The following TESK1 variants were observed in gnomAD, a reference collection of about 807,000 sequenced individuals.
TESK1 encodes testis associated actin remodelling kinase 1.
TESK1 carries 18 observed loss-of-function variants against 59.9 expected under a neutral mutation model. The observed-to-expected ratio is 0.30, with a 90% CI of 0.21 to 0.45. TESK1 has a LOEUF of 0.45. Ranked by LOEUF, TESK1 falls within the 20% of genes least tolerant of loss-of-function variation. TESK1 has a pLI of 1.00. For synonymous variants in TESK1, 341 were observed against 357.4 expected (o/e 0.95, Z 0.52); for missense variants, 748 against 840.9 (o/e 0.89, Z 1.37).
Position 35,608,407 on chromosome 9 carries a change from A to T in TESK1, c.898A>T (p.Thr300Ser). The change falls in exon 9 of 10, where the codon ACC becomes TCC. Residue 300 changes from threonine to serine, a missense_variant. Transcript: ENST00000336395. ...AIHCCNLEPS[T>S]RAPFTEITQH... is the part of the protein sequence containing the mutation. ...CTCTACCCATCAGCTGGAACCCAGC[A>T]CCCGTGCCCCCTTCACCGAAATTAC... 1 of 1,613,674 alleles carries T rather than the reference A, an allele frequency of 6.2e-7. No homozygotes were observed. The highest frequency in any genetic ancestry group is 1.1e-5 in the South Asian group (1 of 91,060).
At position 35,609,325 on chromosome 9, in the gene TESK1, G is replaced by A. The variant is rs761256468; in HGVS notation, c.1464G>A (p.Leu488=). 40 of 1,613,874 alleles carry A rather than the reference G, an allele frequency of 2.5e-5. No individual in the cohort carries two copies. Among genetic ancestry groups the A allele is most frequent in the African/African-American group, 2.1e-4 (16 of 75,064 alleles). Residue 488 remains leucine (L), a synonymous_variant, in exon 10 of 10, where the codon CTG becomes CTA. Coordinates refer to ENST00000336395, the MANE Select transcript of TESK1 (RefSeq NM_006285.3). This position sits in a 1 kb window ranked among gnomAD's most constrained non-coding sequence, Gnocchi z 6.7. The part of the protein sequence containing the change: ...EPPGPAPQLP[L]AVATDNFIST... ...CAGGGCCAGCGCCCCAGCTGCCTCT[G>A]GCTGTGGCCACAGACAACTTCATCA...
At chr9:35,608,609 A>G in intron 9 of TESK1, 100 bp downstream of exon 9, 1 of 1,192,808 alleles carries the variant, frequency 8.4e-7, no homozygotes, top group Non-Finnish European at 1.2e-6. Context: ...TTATTAGTTG[A>G]AAAGGCTGGG....
In TESK1 at chr9:35,607,713, C is replaced by A; in HGVS notation, c.711+41C>A. Reference sequence around the variant, plus strand: ...TTCAGATCCCCAAGGCCTTCCGAGACCCTTGAGGTATTCTCATAAAGCCCC... The same window carrying A: ...TTCAGATCCCCAAGGCCTTCCGAGAACCTTGAGGTATTCTCATAAAGCCCC... On this transcript the variant is annotated intron_variant, in intron 6 of 9. Transcript: ENST00000336395. The surrounding 1 kb of genome is among the most constrained non-coding windows in gnomAD (Gnocchi z 4.5). 6.5e-7 allele frequency: 1 copy of A among 1,537,380 alleles called. No homozygotes were observed. The highest frequency in any genetic ancestry group is 9.0e-7 in the Non-Finnish European group (1 of 1,112,720).
Position 35,605,358 on chromosome 9 carries a change from T to TGCCGCCACCGTC in TESK1, c.-261_-250dup, listed in dbSNP as rs1379880745. ...CCAGCCCGCCGGCGCCCCGGAGCGCTGCCGCCACCGTCACCGCCACCGCCC... is the reference window on the plus strand; with the variant it reads ...CCAGCCCGCCGGCGCCCCGGAGCGCTGCCGCCACCGTCGCCGCCACCGTCACCGCCACCGCCC... On this transcript the variant is annotated 5_prime_UTR_variant, in exon 1 of 10. Coordinates refer to ENST00000336395, the MANE Select transcript of TESK1 (RefSeq NM_006285.3). 6.7e-6 allele frequency: 1 copy of TGCCGCCACCGTC among 149,134 alleles called. No individual in the cohort carries two copies. The highest frequency in any genetic ancestry group is 2.4e-5 in the African/African-American group (1 of 40,968). 9.2% of individuals were successfully genotyped at this position (149,134 alleles called of 1,614,324 possible).
chr9:35,608,017 T>C lies in TESK1; in HGVS notation c.795+6T>C, dbSNP rs1468310431. 1.2e-6 allele frequency: 2 copies of C among 1,614,026 alleles called. No homozygotes were observed. Among genetic ancestry groups the C allele is most frequent in the Non-Finnish European group, 8.5e-7 (1 of 1,179,912 alleles). The stretch of plus-strand genomic sequence containing the variant: ...ACTACCTACCACGCACTGAGGTGAA[T>C]GTTTCTAGGTTTGCAAAGAAAGAAT... On this transcript the variant is annotated splice_donor_region_variant and intron_variant, in intron 7 of 9. Transcript: ENST00000336395.
Position 35,609,949 on chromosome 9 carries a change from A to G in TESK1, c.*207A>G, listed in dbSNP as rs900181046. 34 of 557,020 alleles carry G rather than the reference A, an allele frequency of 6.1e-5. No homozygotes were observed. The highest frequency in any genetic ancestry group is 4.5e-4 in the South Asian group (17 of 37,758). 34.5% of individuals were successfully genotyped at this position (557,020 alleles called of 1,614,324 possible). A position where few individuals can be genotyped will look rare whatever the true frequency, so the allele number is the denominator to read the frequency against. On this transcript the variant is annotated 3_prime_UTR_variant, in exon 10 of 10. Coordinates refer to ENST00000336395, the MANE Select transcript of TESK1 (RefSeq NM_006285.3). This position sits in a 1 kb window ranked among gnomAD's most constrained non-coding sequence, Gnocchi z 6.7. ...CCGTGGGGATCACTGAACCAGACAC[A>G]GCATTGCTGACACATGAGACTAACA...
Position 35,609,711 on chromosome 9 carries a change from C to A in TESK1, c.1850C>A (p.Pro617His). Residue 617 changes from proline (P) to histidine (H), a missense_variant, in exon 10 of 10, where the codon CCC becomes CAC. Coordinates refer to ENST00000336395, the MANE Select transcript of TESK1 (RefSeq NM_006285.3). The surrounding 1 kb of genome is among the most constrained non-coding windows in gnomAD (Gnocchi z 6.7). ...HRGHHAKPPT[P>H]SLQLPGARS ...GGGCACCACGCCAAGCCACCCACAC[C>A]CAGCCTGCAGCTGCCTGGGGCACGC... The A allele has an allele frequency of 6.3e-6, 10 of 1,599,384 alleles. No homozygotes were observed. Among genetic ancestry groups the A allele is most frequent in the Non-Finnish European group, 8.5e-6 (10 of 1,179,192 alleles).
In TESK1 at chr9:35,608,039, G is replaced by T. The variant is rs1176094614; in HGVS notation, c.795+28G>T. On this transcript the variant is annotated intron_variant, in intron 7 of 9. Transcript: ENST00000336395. Reference sequence around the variant, plus strand: ...GAATGTTTCTAGGTTTGCAAAGAAAGAATTCCAGACTAGCTGGCTCATAAC... The same window carrying T: ...GAATGTTTCTAGGTTTGCAAAGAAATAATTCCAGACTAGCTGGCTCATAAC... The T allele has an allele frequency of 3.7e-6, 6 of 1,613,174 alleles. No individual in the cohort carries two copies. In the African/African-American group the frequency reaches 4.0e-5, roughly 11 times the overall value.
Position 35,607,970 on chromosome 9 carries a change from G to A in TESK1, c.754G>A (p.Ala252Thr), listed in dbSNP as rs1252617046. The change falls in exon 7 of 10, where the codon GCC becomes ACC. Residue 252 changes from alanine to threonine, a missense_variant. Around this residue, in one of 3 missense-constraint regions of TESK1, gnomAD observed 168 missense variants for 257.4 expected, o/e 0.65. Transcript: ENST00000336395. This position sits in a 1 kb window ranked among gnomAD's most constrained non-coding sequence, Gnocchi z 4.5. ...CGGGATTGTCCTCTGTGAGCTCATC[G>A]CCCGAGTACCTGCAGACCCTGACTA... Reference protein sequence around the residue: ...AFGIVLCELIARVPADPDYLP... With the variant: ...AFGIVLCELITRVPADPDYLP... 3.1e-6 allele frequency: 5 copies of A among 1,614,038 alleles called. No individual in the cohort carries two copies. Among genetic ancestry groups the A allele is most frequent in the East Asian group, 2.2e-5 (1 of 44,896 alleles).
At position 35,608,850 on chromosome 9, in the gene TESK1, C is replaced by T. The variant is rs767590042; in HGVS notation, c.1001-12C>T. The T allele has an allele frequency of 6.4e-7, 1 of 1,562,636 alleles. No homozygotes were observed. Among genetic ancestry groups the T allele is most frequent in the Admixed American group, 1.8e-5 (1 of 54,090 alleles). ...TGCTGAGGACAGTGATTCCAGACTT[C>T]TCTATCTACAGGCTCTGTTGCAAGA... On this transcript the variant is annotated splice_polypyrimidine_tract_variant and intron_variant, in intron 9 of 9. Coordinates refer to ENST00000336395, the MANE Select transcript of TESK1 (RefSeq NM_006285.3).
chr9:35,607,568 C>G lies in TESK1; in HGVS notation c.621-14C>G, dbSNP rs970982719. ...AATAGGATGCTTCTGACCACTCTGC[C>G]CCTGCCCCTGCAGGGAGGGGGCAAG... is the stretch of plus-strand genomic sequence containing the variant. On this transcript the variant is annotated splice_polypyrimidine_tract_variant and intron_variant, in intron 5 of 9. Coordinates refer to ENST00000336395, the MANE Select transcript of TESK1 (RefSeq NM_006285.3). This position sits in a 1 kb window ranked among gnomAD's most constrained non-coding sequence, Gnocchi z 4.5. 1.2e-6 allele frequency: 2 copies of G among 1,610,064 alleles called. No homozygotes were observed. The highest frequency in any genetic ancestry group is 2.2e-5 in the South Asian group (2 of 90,978).
rs377677767 is a variant in TESK1 at position 35,609,221 on chromosome 9, G to A, written c.1360G>A (p.Gly454Ser). The stretch of plus-strand genomic sequence containing the variant: ...CCGCCGTATGGAGACAGCACTGCCA[G>A]GTCCTGGCCCTCCCGCTGTGGGCCC... ...LPRRMETALP[G>S]PGPPAVGPSA... Residue 454 changes from glycine (G) to serine (S), a missense_variant, in exon 10 of 10, where the codon GGT becomes AGT. Physicochemically the swap from Gly to Ser is moderately conservative, Grantham distance 56. Transcript: ENST00000336395. This position sits in a 1 kb window ranked among gnomAD's most constrained non-coding sequence, Gnocchi z 6.7. 4.7e-5 allele frequency: 76 copies of A among 1,613,944 alleles called. No individual in the cohort carries two copies. Among genetic ancestry groups the A allele is most frequent in the Non-Finnish European group, 6.1e-5 (72 of 1,180,042 alleles).
intron 2 of TESK1, 26 bp downstream of exon 2, chr9:35,606,131 C>G: frequency 6.2e-7 from 1 of 1,614,088 alleles, no homozygotes; most frequent in Non-Finnish European, 8.5e-7. Flanking sequence ...CTCTGGGCAG[C>G]TTGCTGGGCG....
At position 35,607,490 on chromosome 9, in the gene TESK1, T is replaced by C. The variant is rs1324690005; in HGVS notation, c.620+81T>C. The C allele has an allele frequency of 3.2e-6, 5 of 1,583,654 alleles. No individual in the cohort carries two copies. Among genetic ancestry groups the C allele is most frequent in the Non-Finnish European group, 4.3e-6 (5 of 1,152,768 alleles). On this transcript the variant is annotated intron_variant, in intron 5 of 9. Transcript: ENST00000336395. The surrounding 1 kb of genome is among the most constrained non-coding windows in gnomAD (Gnocchi z 4.5). ...CCCCAGAGCCCCAGGGATGTTTCCC[T>C]TGGGGAACGGAGGGAGTTCACCTCA...
chr9:35,609,282 G>T lies in TESK1; in HGVS notation c.1421G>T (p.Ser474Ile). 6.2e-7 allele frequency: 1 copy of T among 1,614,084 alleles called. No individual in the cohort carries two copies. Among genetic ancestry groups the T allele is most frequent in the South Asian group, 1.1e-5 (1 of 91,084 alleles). Reference protein sequence around the residue: ...AEEKMECEGSSPEPEPPGPAP... With the variant: ...AEEKMECEGSIPEPEPPGPAP... ...GAGAAGATGGAGTGCGAGGGCAGCAGCCCTGAGCCGGAACCTCCAGGGCCA... is the reference window on the plus strand; with the variant it reads ...GAGAAGATGGAGTGCGAGGGCAGCATCCCTGAGCCGGAACCTCCAGGGCCA... Residue 474 changes from serine (S) to isoleucine (I), a missense_variant, in exon 10 of 10, where the codon AGC (serine) becomes ATC (isoleucine). Around this residue, in one of 3 missense-constraint regions of TESK1, gnomAD observed 447 missense variants for 466.1 expected, o/e 0.96. Transcript: ENST00000336395. The surrounding 1 kb of genome is among the most constrained non-coding windows in gnomAD (Gnocchi z 6.7).
At position 35,610,008 on chromosome 9, in the gene TESK1, G is replaced by A. The variant is rs1822948235; in HGVS notation, c.*266G>A. ...TATTTAAAAAGATTTCAATAAAACT[G>A]CCTGGCTGGCTCCGGGCCGCCCCTA... is the stretch of plus-strand genomic sequence containing the variant. On this transcript the variant is annotated 3_prime_UTR_variant, in exon 10 of 10. Transcript: ENST00000336395. 4.7e-6 allele frequency: 2 copies of A among 428,770 alleles called. No individual in the cohort carries two copies. Among genetic ancestry groups the A allele is most frequent in the Non-Finnish European group, 8.2e-6 (2 of 243,098 alleles). 26.6% of individuals were successfully genotyped at this position (428,770 alleles called of 1,614,324 possible).
At position 35,607,078 on chromosome 9, in the gene TESK1, T is replaced by C; in HGVS notation, c.537+95T>C. On this transcript the variant is annotated intron_variant, in intron 4 of 9. Transcript: ENST00000336395. The surrounding 1 kb of genome is among the most constrained non-coding windows in gnomAD (Gnocchi z 4.5). ...TGTTGGAATATGGATAACAGATATA[T>C]TAGGATGTTGGAGTGGCAAGGCATT... The C allele has an allele frequency of 6.9e-7, 1 of 1,453,986 alleles. No individual in the cohort carries two copies. Among genetic ancestry groups the C allele is most frequent in the South Asian group, 1.4e-5 (1 of 73,336 alleles). 90.1% of individuals were successfully genotyped at this position (1,453,986 alleles called of 1,614,324 possible).
chr9:35,607,586 G>C lies in TESK1; in HGVS notation c.625G>C (p.Gly209Arg). ...ACTCTGCCCCTGCCCCTGCAGGGAG[G>C]GGGCAAGGAAGGAGCCATTGGCCGT... ...LAEKIPVYRE[G>R]ARKEPLAVVG... The change falls in exon 6 of 10, where the codon GGG becomes CGG. Residue 209 changes from glycine to arginine, a missense_variant. By Grantham distance (125) the Gly-to-Arg change is moderately radical. Coordinates refer to ENST00000336395, the MANE Select transcript of TESK1 (RefSeq NM_006285.3). The surrounding 1 kb of genome is among the most constrained non-coding windows in gnomAD (Gnocchi z 4.5). 6.2e-7 allele frequency: 1 copy of C among 1,613,706 alleles called. No homozygotes were observed. Among genetic ancestry groups the C allele is most frequent in the Non-Finnish European group, 8.5e-7 (1 of 1,179,732 alleles).
Position 35,607,794 on chromosome 9 carries a change from C to G in TESK1, c.711+122C>G. 1 of 1,261,664 alleles carries G rather than the reference C, an allele frequency of 7.9e-7. No homozygotes were observed. Among genetic ancestry groups the G allele is most frequent in the Non-Finnish European group, 1.1e-6 (1 of 889,590 alleles). 78.2% of individuals were successfully genotyped at this position (1,261,664 alleles called of 1,614,324 possible). On this transcript the variant is annotated intron_variant, in intron 6 of 9. Coordinates refer to ENST00000336395, the MANE Select transcript of TESK1 (RefSeq NM_006285.3). The surrounding 1 kb of genome is among the most constrained non-coding windows in gnomAD (Gnocchi z 4.5). ...TCAGGAGTCCCCAAGATCCCTTTGCCCCTCACAGGCACCCTTCTAACACAT... is the reference window on the plus strand; with the variant it reads ...TCAGGAGTCCCCAAGATCCCTTTGCGCCTCACAGGCACCCTTCTAACACAT...
Sources: allele counts gnomAD v4.1 joint callset, GRCh38; gene constraint gnomAD v4.1.1; regional missense constraint gnomAD v4.1.1; non-coding constraint Gnocchi (gnomAD v3.1); transcripts MANE v1.5; gene names NCBI Gene and HGNC (gene_info 2026-07-23, HGNC 2026-07-21).